The following CNOT6 variants were observed in gnomAD, a reference collection of about 807,000 sequenced individuals.
The protein encoded by CNOT6 is CCR4-NOT transcription complex subunit 6.
Under a neutral mutation model 61.2 loss-of-function variants are expected in CNOT6, and 12 were observed. The ratio of observed to expected loss-of-function variants is 0.20; its 90% CI spans 0.13 to 0.32. CNOT6 has a LOEUF of 0.32. CNOT6 is among the 10% of genes least tolerant of loss of function. CNOT6 has a pLI of 1.00. For synonymous variants in CNOT6, 225 were observed against 240.6 expected, an observed-to-expected ratio of 0.94 and a Z score of 0.60; for missense variants, 405 against 663.9, an observed-to-expected ratio of 0.61 and a Z score of 4.28.
At chr5:180,570,113 T>G (rs931171288) in intron 10 of CNOT6, among the ~76,000 whole-genome samples, 1 of 152,126 alleles carries the variant, frequency 6.6e-6, no homozygotes, top group Non-Finnish European at 1.5e-5. Context: ...ATCCCAGCAC[T>G]TTGGGGGGCC....
At chr5:180,555,576 C>A (rs1384675289) in intron 4 of CNOT6, among the ~76,000 whole-genome samples, 1 of 152,140 alleles carries the variant, frequency 6.6e-6, no homozygotes, top group African/African-American at 2.4e-5. Context: ...TTGGACAAAT[C>A]CTTTTATTTT....
At chr5:180,538,229 C>CG (rs1413283472) in intron 2 of CNOT6, among the ~76,000 whole-genome samples, 1 of 151,306 alleles carries the variant, frequency 6.6e-6, no homozygotes, top group Non-Finnish European at 1.5e-5. Context: ...TTAGTAGAGA[C>CG]GGGGTTTCAC....
At chr5:180,537,080 T>C (rs1467309559) in intron 2 of CNOT6, among the ~76,000 whole-genome samples, 5 of 152,250 alleles carry the variant, frequency 3.3e-5, no homozygotes, top group African/African-American at 1.2e-4. Flanking sequence ...CCTCCAAGTT[T>C]TGGCAATTTT....
chr5:180,497,215 TA>T (rs1380833169), intron 1 of CNOT6, among the ~76,000 whole-genome samples: 1 of 151,132 alleles, frequency 6.6e-6, no homozygotes, highest in Non-Finnish European at 1.5e-5. Context: ...TAATCCCAGC[TA>T]TTCAGTAGGC....
chr5:180,546,134 T>C (rs910503317), intron 2 of CNOT6, among the ~76,000 whole-genome samples: 21 of 152,140 alleles, frequency 1.4e-4, no homozygotes, highest in Admixed American at 2.6e-4. Context: ...GACCTCATGA[T>C]CCACCCGCCT....
At chr5:180,547,934 G>A (rs1169854159) in intron 2 of CNOT6, among the ~76,000 whole-genome samples, 2 of 152,154 alleles carry the variant, frequency 1.3e-5, no homozygotes, top group Non-Finnish European at 2.9e-5. Flanking sequence ...GGGTTTCACC[G>A]TGTTGGCCAG....
At chr5:180,570,935 C>T (rs779515933) in intron 10 of CNOT6, among the ~76,000 whole-genome samples, 20 of 152,150 alleles carry the variant, frequency 1.3e-4, no homozygotes, top group Non-Finnish European at 2.5e-4. Flanking sequence ...GTGGAAACAA[C>T]CTGCATTTTA....
At chr5:180,539,190 A>AT (rs1406661561) in intron 2 of CNOT6, among the ~76,000 whole-genome samples, 10 of 150,918 alleles carry the variant, frequency 6.6e-5, no homozygotes, top group Non-Finnish European at 8.9e-5. Context: ...AAAAAAAAAA[A>AT]AGTCAGCCAA....
rs1487464450 is a variant in CNOT6, at chr5:180,577,450, T to C, written c.*3250T>C. Reference sequence around the variant, plus strand: ...TCATATATAAGGACTAAAGCCAAGCTAGGCAAAACAATGACAGCACCGTTT... The same window carrying C: ...TCATATATAAGGACTAAAGCCAAGCCAGGCAAAACAATGACAGCACCGTTT... On this transcript the variant is annotated 3_prime_UTR_variant, in exon 12 of 12. Transcript: ENST00000261951. The C allele has an allele frequency of 6.6e-6, 1 of 152,628 alleles. No homozygotes were observed. Among genetic ancestry groups the C allele is most frequent in the East Asian group, 1.9e-4 (1 of 5,204 alleles). 9.5% of individuals were successfully genotyped at this position (152,628 alleles called of 1,614,324 possible).
chr5:180,555,527 A>G (rs181345073), intron 4 of CNOT6, among the ~76,000 whole-genome samples: 1 of 152,224 alleles, frequency 6.6e-6, no homozygotes, highest in Non-Finnish European at 1.5e-5. Flanking sequence ...AGCATTACAC[A>G]TCTGTAATAG....
intron 1 of CNOT6, among the ~76,000 whole-genome samples, chr5:180,497,008 T>A (rs1040899836): frequency 6.6e-6 from 1 of 152,190 alleles, no homozygotes; most frequent in African/African-American, 2.4e-5. Context: ...TTGTAGGAAT[T>A]TGCCCACTGT....
chr5:180,547,245 C>T (rs56191102), intron 2 of CNOT6, among the ~76,000 whole-genome samples: 37,377 of 151,856 alleles, frequency 0.25, 5,300 homozygotes, highest in East Asian at 0.5. Context: ...CCTGGCCAGG[C>T]GCTGTGCCTC....
chr5:180,526,394 G>T (rs1165680012), intron 1 of CNOT6, among the ~76,000 whole-genome samples: 1 of 152,172 alleles, frequency 6.6e-6, no homozygotes, highest in Non-Finnish European at 1.5e-5. Flanking sequence ...AGAATGAGGG[G>T]GTGGATCGAA....
intron 1 of CNOT6, among the ~76,000 whole-genome samples, chr5:180,509,455 C>G (rs1757282874): frequency 6.6e-6 from 1 of 151,354 alleles, no homozygotes; most frequent in Non-Finnish European, 1.5e-5. Context: ...TTGCTTTTGT[C>G]TTTTTGAGAT....
At chr5:180,556,236 T>C (rs193019230) in intron 4 of CNOT6, among the ~76,000 whole-genome samples, 14 of 151,972 alleles carry the variant, frequency 9.2e-5, no homozygotes, top group Non-Finnish European at 1.8e-4. Context: ...AGAAGTAGAG[T>C]GTAGAATGGT....
intron 4 of CNOT6, among the ~76,000 whole-genome samples, chr5:180,558,078 C>T (rs1459187831): frequency 2.0e-5 from 3 of 152,110 alleles, no homozygotes; most frequent in African/African-American, 4.8e-5. Flanking sequence ...TCCATCCTTC[C>T]GCCAACATCT....
chr5:180,562,727 G>A (rs1760250087), intron 4 of CNOT6, among the ~76,000 whole-genome samples: 1 of 151,824 alleles, frequency 6.6e-6, no homozygotes, highest in Non-Finnish European at 1.5e-5. Flanking sequence ...GCAACAGAGC[G>A]AGACTCCATC....
intron 2 of CNOT6, among the ~76,000 whole-genome samples, chr5:180,541,216 G>A (rs1041281147): frequency 6.6e-6 from 1 of 150,892 alleles, no homozygotes; most frequent in African/African-American, 2.4e-5. Context: ...TCACCTCACT[G>A]CAACCTCCGC....
At chr5:180,494,922 ACGCGCCGCGATCGCGCCCCGCCC>A (rs1756526842) in intron 1 of CNOT6, among the ~76,000 whole-genome samples, 159 bp downstream of exon 1, 2 of 150,896 alleles carry the variant, frequency 1.3e-5, no homozygotes, top group East Asian at 2.0e-4. Context: ...GGCCCCTTCG[ACGCGCCGCGATCGCGCCCCGCCC>A]CGGGCCGCGC....
Sources: allele counts gnomAD v4.1 joint callset (sites outside exome capture counted in the v4.1 genomes callset), GRCh38; gene constraint gnomAD v4.1.1; transcripts MANE v1.5; gene names NCBI Gene and HGNC (gene_info 2026-07-23, HGNC 2026-07-21).